The following CDKL1 variants were observed in gnomAD, a reference collection of about 807,000 sequenced individuals.
CDKL1 encodes cyclin dependent kinase like 1.
CDKL1 carries 41 observed loss-of-function variants against 42.0 expected under a neutral mutation model. The observed-to-expected ratio is 0.98, with a 90% CI of 0.76 to 1.27. The LOEUF (loss-of-function observed/expected upper bound fraction) is 1.27, where lower values mean the gene tolerates loss of function less well. Ranked by LOEUF, CDKL1 falls within the 50% of genes most tolerant of loss-of-function variation. CDKL1 has a pLI of 0.00. For synonymous variants in CDKL1, 153 were observed against 158.6 expected, an observed-to-expected ratio of 0.96 and a Z score of 0.26; for missense variants, 394 against 428.4, an observed-to-expected ratio of 0.92 and a Z score of 0.71.
chr14:50,397,041 A>G (rs371373188), upstream of CDKL1: 2 of 1,296,104 alleles, frequency 1.5e-6, no homozygotes, highest in Non-Finnish European at 2.0e-6. Flanking sequence ...CCCTCCGTCC[A>G]TGGGAGCTGT....
intron 2 of CDKL1, chr14:50,378,069 C>T: frequency 1.0e-6 from 1 of 1,003,548 alleles, no homozygotes; most frequent in Non-Finnish European, 1.3e-6. Context: ...AGGATAGGGA[C>T]ATCTACGAGA....
At chr14:50,360,554 C>G (rs1486202984) in intron 2 of CDKL1, among the ~76,000 whole-genome samples, 2 of 152,098 alleles carry the variant, frequency 1.3e-5, no homozygotes, top group Non-Finnish European at 2.9e-5. Flanking sequence ...ACTACAGGTG[C>G]ACACCACCAT....
intron 2 of CDKL1, among the ~76,000 whole-genome samples, chr14:50,361,810 C>T (rs2034256542): frequency 6.6e-6 from 1 of 152,246 alleles, no homozygotes; most frequent in Non-Finnish European, 1.5e-5. Flanking sequence ...TGGCAGTCCT[C>T]GCTCGCTCTC....
At chr14:50,348,588 C>CT (rs1335387530) in intron 3 of CDKL1, among the ~76,000 whole-genome samples, 1 of 152,088 alleles carries the variant, frequency 6.6e-6, no homozygotes, top group Non-Finnish European at 1.5e-5. Context: ...TATTCAAAGA[C>CT]TTTTTTGGGA....
At chr14:50,389,337 A>G (rs2035184630) in intron 2 of CDKL1, among the ~76,000 whole-genome samples, 1 of 151,916 alleles carries the variant, frequency 6.6e-6, no homozygotes, top group Admixed American at 6.6e-5. Context: ...CACCCCATGC[A>G]CCTTTTTTCA....
intron 7 of CDKL1, chr14:50,335,509 C>T (rs765142396): frequency 1.0e-5 from 16 of 1,535,860 alleles, no homozygotes; most frequent in African/African-American, 1.4e-5. Context: ...TCCTTTTGGC[C>T]GTATAAGGCG....
At position 50,332,395 on chromosome 14, in the gene CDKL1, C is replaced by G; in HGVS notation, c.833G>C (p.Cys278Ser). Residue 278 changes from cysteine to serine, a missense_variant, in exon 9 of 10, where the codon TGT (cysteine) becomes TCT (serine). By Grantham distance (112) the Cys-to-Ser change is moderately radical (BLOSUM62 -1). Transcript: ENST00000395834. ...ATATGGGTGATGCAACAGCTGTTCA[C>G]ATGTCAGCCTTTGAGTAGGGTCCAT... ...LHMDPTQRLT[C>S]EQLLHHPYFE... The G allele has an allele frequency of 6.2e-7, 1 of 1,614,098 alleles. No individual in the cohort carries two copies.
chr14:50,358,621 C>T (rs1241884363), intron 3 of CDKL1, among the ~76,000 whole-genome samples: 1 of 124,028 alleles, frequency 8.1e-6, no homozygotes, highest in Non-Finnish European at 1.7e-5. Flanking sequence ...CAAACACTGG[C>T]TGTTTTTAAC....
At chr14:50,382,358 T>C (rs906275332) in intron 2 of CDKL1, among the ~76,000 whole-genome samples, 1 of 151,824 alleles carries the variant, frequency 6.6e-6, no homozygotes, top group Non-Finnish European at 1.5e-5. Context: ...GAGGCTGAGG[T>C]AGGAATTGCG....
At chr14:50,363,520 C>G (rs1288661107) in intron 2 of CDKL1, among the ~76,000 whole-genome samples, 1 of 152,196 alleles carries the variant, frequency 6.6e-6, no homozygotes, top group Non-Finnish European at 1.5e-5. Flanking sequence ...AGTTTTCTTT[C>G]AGACTGAAAA....
intron 3 of CDKL1, chr14:50,358,130 A>G (rs779131597): frequency 7.4e-7 from 1 of 1,348,624 alleles, no homozygotes; most frequent in Middle Eastern, 2.1e-4. Context: ...AGTGCACACA[A>G]AGATGTTGCA....
chr14:50,370,124 A>C lies in CDKL1; in HGVS notation c.169-10975T>G, dbSNP rs371039258. ...TGCTCTGTCACCCAGGCTGGAGTGCAGTGGCACGATCTTGGCTCACTCCAA... is the reference window on the plus strand; with the variant it reads ...TGCTCTGTCACCCAGGCTGGAGTGCCGTGGCACGATCTTGGCTCACTCCAA... On this transcript the variant is annotated intron_variant, in intron 2 of 9. Coordinates refer to ENST00000395834, the MANE Select transcript of CDKL1 (RefSeq NM_004196.7). 8.7e-5 allele frequency among the ~76,000 whole-genome samples: 13 copies of C among 150,098 alleles called. 1 individual carries two copies. Among genetic ancestry groups the C allele is most frequent in the African/African-American group, 3.2e-4 (13 of 40,698 alleles).
At position 50,352,306 on chromosome 14, in the gene CDKL1, G is replaced by C. The variant is rs527566716; in HGVS notation, c.290+6722C>G. 5.9e-4 allele frequency among the ~76,000 whole-genome samples: 89 copies of C among 151,784 alleles called. 1 individual carries two copies. The highest frequency in any genetic ancestry group is 2.0e-3 in the African/African-American group (82 of 41,358). ...TCATACATCAAATATTTTAATAATAGAGCCTAAGGTAGCACAATTATAAGA... is the reference window on the plus strand; with the variant it reads ...TCATACATCAAATATTTTAATAATACAGCCTAAGGTAGCACAATTATAAGA... On this transcript the variant is annotated intron_variant, in intron 3 of 9. Transcript: ENST00000395834.
chr14:50,328,286 C>A lies in CDKL1; in HGVS notation c.*1788G>T, dbSNP rs993414089. ...TCTTCCTTGTCATTTGAATCAAGGC[C>A]GTCTAACAGGAATTGAATAATTCAG... is the stretch of plus-strand genomic sequence containing the variant. On this transcript the variant is annotated 3_prime_UTR_variant, in exon 10 of 10. Transcript: ENST00000395834. The A allele has an allele frequency of 6.6e-6, 1 of 151,998 alleles. No individual in the cohort carries two copies. Among genetic ancestry groups the A allele is most frequent in the African/African-American group, 2.4e-5 (1 of 41,376 alleles). 9.4% of individuals were successfully genotyped at this position (151,998 alleles called of 1,614,324 possible).
chr14:50,397,061 G>T (rs765184096), upstream of CDKL1: 144 of 1,327,944 alleles, frequency 1.1e-4, 2 homozygotes, highest in Non-Finnish European at 1.3e-4. Flanking sequence ...TCCTGACCGC[G>T]GGCCGAGTCC....
At chr14:50,381,066 G>A (rs10162482) in intron 2 of CDKL1, among the ~76,000 whole-genome samples, 61,909 of 152,092 alleles carry the variant, frequency 0.41, 13,888 homozygotes, top group African/African-American at 0.6. Flanking sequence ...GAGGCAGCAT[G>A]TACAGCCCTT....
At chr14:50,338,818 G>T in intron 7 of CDKL1, 129 bp downstream of exon 7, 2 of 705,424 alleles carry the variant, frequency 2.8e-6, no homozygotes. Context: ...TAGCCAATTT[G>T]CTCCAATTTT....
chr14:50,394,721 T>C (rs4901026), intron 2 of CDKL1, among the ~76,000 whole-genome samples: 107,027 of 152,166 alleles, frequency 0.7, 37,967 homozygotes, highest in African/African-American at 0.79. Flanking sequence ...ATTTGGATTT[T>C]ACCTTCACAG....
chr14:50,335,536 G>A (rs1437554972), intron 7 of CDKL1: 7 of 1,536,078 alleles, frequency 4.6e-6, no homozygotes, highest in South Asian at 3.6e-5. Context: ...CGCCAGTCAC[G>A]TGCTGGAGAC....
Sources: allele counts gnomAD v4.1 joint callset (sites outside exome capture counted in the v4.1 genomes callset), GRCh38; gene constraint gnomAD v4.1.1; transcripts MANE v1.5; gene names NCBI Gene and HGNC (gene_info 2026-07-23, HGNC 2026-07-21).